The following INTS1 variants were observed in gnomAD, a reference collection of about 807,000 sequenced individuals.
INTS1 encodes the protein integrator complex subunit 1.
A neutral mutation model predicts 241.6 loss-of-function variants in INTS1; 137 were observed. That is an observed-to-expected ratio of 0.57 (90% CI 0.49 to 0.65). The LOEUF is 0.65. INTS1 is among the 30% of genes least tolerant of loss of function. INTS1 has a pLI of 0.00. For missense variants in INTS1, 3,073 were observed against 3,032.2 expected (o/e 1.01, Z -0.32); for synonymous variants, 1,692 against 1,337.8 (o/e 1.26, Z -5.78).
At chr7:1,474,460 T>C (rs2128532750) in intron 40 of INTS1, 100 bp from the exon 41 acceptor site, 1 of 1,284,258 alleles carries the variant, frequency 7.8e-7, no homozygotes. Flanking sequence ...CCAGACCCCG[T>C]GCTGCCCCCC....
chr7:1,471,202 C>A lies in INTS1; in HGVS notation c.6278G>T (p.Ser2093Ile). ...FFSTNLQRLM[S>I]SAEECCRNLA... The stretch of plus-strand genomic sequence containing the variant: ...GTTGCGGCAACACTCCTCGGCCGAG[C>A]TCATCAGCCGCTGCAGGTTGGTCTG... Residue 2093 changes from serine to isoleucine, a missense_variant, in exon 46 of 48, where the codon AGC becomes ATC. Ser to Ile is a moderately radical substitution (Grantham distance 142). Coordinates refer to ENST00000404767, the MANE Select transcript of INTS1 (RefSeq NM_001080453.3). 6.3e-7 allele frequency: 1 copy of A among 1,580,762 alleles called. No individual in the cohort carries two copies. Among genetic ancestry groups the A allele is most frequent in the Non-Finnish European group, 8.6e-7 (1 of 1,164,842 alleles).
In INTS1 at chr7:1,486,956, C is replaced by T; in HGVS notation, c.2792G>A (p.Gly931Asp). The T allele has an allele frequency of 6.2e-7, 1 of 1,607,476 alleles. No homozygotes were observed. Among genetic ancestry groups the T allele is most frequent in the Non-Finnish European group, 8.5e-7 (1 of 1,179,224 alleles). The change falls in exon 21 of 48, where the codon GGC (glycine) becomes GAC (aspartate). Residue 931 changes from glycine (G) to aspartate (D), a missense_variant. By Grantham distance (94) the Gly-to-Asp change is moderately conservative. Transcript: ENST00000404767. ...DAASGEEDDEGESKEQKAKKR... is the reference protein window; with the variant it reads ...DAASGEEDDEDESKEQKAKKR... ...CTTGGCCTTCTGCTCCTTGCTCTCG[C>T]CCTCGTCGTCCTCCTCCCCGGAAGC...
chr7:1,500,508 C>T, intron 3 of INTS1, 142 bp from the exon 4 acceptor site: 1 of 929,594 alleles, frequency 1.1e-6, no homozygotes, highest in Non-Finnish European at 1.6e-6. Flanking sequence ...CAGCAAAGTT[C>T]CCACAGCGGA....
intron 47 of INTS1, 56 bp downstream of exon 47, chr7:1,470,790 G>C (rs534944777): frequency 6.8e-7 from 1 of 1,470,812 alleles, no homozygotes; most frequent in Non-Finnish European, 9.2e-7. Flanking sequence ...CTCGGGGGAC[G>C]CACCTCCGGC....
intron 18 of INTS1, 50 bp downstream of exon 18, chr7:1,489,294 C>CAGCCCCAGCCCCTGCGCACTCACTT (rs761078200): frequency 9.0e-6 from 1 of 111,168 alleles, no homozygotes. Context: ...CGGAACGAGA[C>CAGCCCCAGCCCCTGCGCACTCACTT]CAGGCCCTGC....
chr7:1,481,016 G>C lies in INTS1; in HGVS notation c.3851-83C>G. 2.0e-6 allele frequency: 2 copies of C among 1,018,456 alleles called. No homozygotes were observed. The highest frequency in any genetic ancestry group is 3.0e-6 in the Non-Finnish European group (2 of 665,184). The allele number at this position is 1,018,456 out of a possible 1,614,324, so 63.1% of individuals were successfully genotyped here. On this transcript the variant is annotated intron_variant, in intron 28 of 47. Transcript: ENST00000404767. The surrounding 1 kb of genome is among the most constrained non-coding windows in gnomAD (Gnocchi z 6.8). The stretch of plus-strand genomic sequence containing the variant: ...TCCCTCTCCACAGAAACCAGAGTTG[G>C]AGATGCCCCCACCGTCACCAGCACT...
intron 3 of INTS1, among the ~76,000 whole-genome samples, chr7:1,502,126 T>C (rs1227617399): frequency 6.6e-6 from 1 of 151,800 alleles, no homozygotes; most frequent in Non-Finnish European, 1.5e-5. Context: ...TAACCAGAGG[T>C]GGCGCGGCTT....
At chr7:1,499,838 C>T in intron 5 of INTS1, 46 bp downstream of exon 5, 1 of 1,587,584 alleles carries the variant, frequency 6.3e-7, no homozygotes, top group Non-Finnish European at 8.6e-7. Flanking sequence ...CCTGCCCCAC[C>T]CCGTGGCGCT....
Position 1,479,562 on chromosome 7 carries a change from C to T in INTS1, c.4197G>A (p.Pro1399=), listed in dbSNP as rs769546935. 9.7e-6 allele frequency: 15 copies of T among 1,550,624 alleles called. No individual in the cohort carries two copies. The highest frequency in any genetic ancestry group is 8.3e-5 in the South Asian group (7 of 84,190). ...ARVVQGSPEV[P]GITVRVLQAL... Reference sequence around the variant, plus strand: ...CCTGCAGGACACGCACCGTGATGCCCGGCACCTCGGGGCTGCCCTGGACGA... The same window carrying T: ...CCTGCAGGACACGCACCGTGATGCCTGGCACCTCGGGGCTGCCCTGGACGA... The change falls in exon 31 of 48, where the codon CCG becomes CCA. Residue 1399 remains proline, a synonymous_variant. Coordinates refer to ENST00000404767, the MANE Select transcript of INTS1 (RefSeq NM_001080453.3).
chr7:1,486,870 G>T lies in INTS1; in HGVS notation c.2826+52C>A, dbSNP rs935460817. 4 of 1,532,554 alleles carry T rather than the reference G, an allele frequency of 2.6e-6. No individual in the cohort carries two copies. The African/African-American group carries it at 4.1e-5, about 16-fold the overall frequency. The allele number at this position is 1,532,554 out of a possible 1,614,324, so 94.9% of individuals were successfully genotyped here. On this transcript the variant is annotated intron_variant, in intron 21 of 47. Coordinates refer to ENST00000404767, the MANE Select transcript of INTS1 (RefSeq NM_001080453.3). ...GGTGGGCTCAGGCATGGGTTGCCCT[G>T]ACAGGGGTGCGGGGTGAGAGGCGGG...
chr7:1,485,332 C>G lies in INTS1; in HGVS notation c.3114G>C (p.Leu1038=), dbSNP rs1452035074. 2 of 1,612,292 alleles carry G rather than the reference C, an allele frequency of 1.2e-6. No individual in the cohort carries two copies. Among genetic ancestry groups the G allele is most frequent in the Admixed American group, 1.7e-5 (1 of 60,024 alleles). ...CTGTGGTGCTCCTGACGCTGTCGAA[C>G]AGAGGCAGGCGAGGCAGGTCCCGCA... is the stretch of plus-strand genomic sequence containing the variant. ...WLLRDLPRLP[L]FDSVRSTTAL... is the part of the protein sequence containing the mutation. Residue 1038 remains leucine, a synonymous_variant, in exon 23 of 48, where the codon CTG becomes CTC. Transcript: ENST00000404767.
In INTS1 at chr7:1,485,201, G is replaced by C. The variant is rs566197365; in HGVS notation, c.3158C>G (p.Ala1053Gly). The change falls in exon 24 of 48, where the codon GCA (alanine) becomes GGA (glycine). Residue 1053 changes from alanine (A) to glycine (G), a missense_variant and splice_region_variant. Coordinates refer to ENST00000404767, the MANE Select transcript of INTS1 (RefSeq NM_001080453.3). ...CTGGGGATCAGTCTCCATGTGGATT[G>C]CCTGGAGGGGAGGGTGGTCTGAGCG... Reference protein sequence around the residue: ...RSTTALALQQAIHMETDPQTI... With the variant: ...RSTTALALQQGIHMETDPQTI... 1 of 1,599,692 alleles carries C rather than the reference G, an allele frequency of 6.3e-7. No individual in the cohort carries two copies. The highest frequency in any genetic ancestry group is 1.1e-5 in the South Asian group (1 of 90,994).
intron 4 of INTS1, 50 bp downstream of exon 4, chr7:1,500,120 A>T: frequency 6.3e-7 from 1 of 1,582,358 alleles, no homozygotes; most frequent in Non-Finnish European, 8.6e-7. Flanking sequence ...TGAGGAGGGG[A>T]GCCAAGGGCC....
At chr7:1,491,033 C>T (rs1782522673) in intron 16 of INTS1, among the ~76,000 whole-genome samples, 1 of 152,242 alleles carries the variant, frequency 6.6e-6, no homozygotes, top group Non-Finnish European at 1.5e-5. Flanking sequence ...ACAACCAGAA[C>T]CAACCAACAG....
chr7:1,495,081 T>C (rs1782778740), intron 13 of INTS1, among the ~76,000 whole-genome samples, 188 bp from the exon 14 acceptor site: 1 of 150,346 alleles, frequency 6.7e-6, no homozygotes, highest in Admixed American at 6.6e-5. Context: ...GCTGCCAGGC[T>C]GCACAGCGGC....
At chr7:1,484,268 T>A in intron 24 of INTS1, 98 bp from the exon 25 acceptor site, 1 of 1,294,354 alleles carries the variant, frequency 7.7e-7, no homozygotes, top group Non-Finnish European at 1.1e-6. Context: ...ACTGGGATCT[T>A]AAGCAGGGCC....
rs199521513 is a variant in INTS1 at position 1,479,554 on chromosome 7, G to T, written c.4205C>A (p.Thr1402Lys). The change falls in exon 31 of 48, where the codon ACG (threonine) becomes AAG (lysine). Residue 1402 changes from threonine to lysine, a missense_variant. Thr to Lys is a moderately conservative substitution (Grantham distance 78). Coordinates refer to ENST00000404767, the MANE Select transcript of INTS1 (RefSeq NM_001080453.3). ...VQGSPEVPGI[T>K]VRVLQALATL... Reference sequence around the variant, plus strand: ...GGCGAGGGCCTGCAGGACACGCACCGTGATGCCCGGCACCTCGGGGCTGCC... The same window carrying T: ...GGCGAGGGCCTGCAGGACACGCACCTTGATGCCCGGCACCTCGGGGCTGCC... 1 of 1,554,006 alleles carries T rather than the reference G, an allele frequency of 6.4e-7. No homozygotes were observed. The highest frequency in any genetic ancestry group is 8.7e-7 in the Non-Finnish European group (1 of 1,150,760).
At chr7:1,487,570 G>C in intron 19 of INTS1, 121 bp from the exon 20 acceptor site, 1 of 1,343,278 alleles carries the variant, frequency 7.4e-7, no homozygotes, top group African/African-American at 1.4e-5. Flanking sequence ...AACCCATCCT[G>C]ACCTGGGATG....
At chr7:1,475,815 A>G in intron 39 of INTS1, 133 bp downstream of exon 39, 3 of 1,145,936 alleles carry the variant, frequency 2.6e-6, no homozygotes, top group Non-Finnish European at 3.6e-6. Context: ...ACAGGGCCAC[A>G]GGGCGGCGCG....
Sources: allele counts gnomAD v4.1 joint callset (sites outside exome capture counted in the v4.1 genomes callset), GRCh38; gene constraint gnomAD v4.1.1; non-coding constraint Gnocchi (gnomAD v3.1); transcripts MANE v1.5; gene names NCBI Gene and HGNC (gene_info 2026-07-23, HGNC 2026-07-21).